Variants in EXOSC10 observed in about 807,000 individuals in gnomAD.
EXOSC10 encodes the protein exosome complex component 10.
Under a neutral mutation model 126.6 loss-of-function variants are expected in EXOSC10, and 94 were observed. The observed-to-expected ratio is 0.74, with a 90% confidence interval of 0.63 to 0.88. EXOSC10 has a LOEUF of 0.88. Among genes scored for constraint, EXOSC10 ranks in the 40% least tolerant of loss-of-function variants. The probability of loss-of-function intolerance (pLI) is 0.00; values close to 1 mark genes in which losing one functional copy is unlikely to be tolerated. For missense variants in EXOSC10, 1,041 were observed against 1,100.5 expected (o/e 0.95, Z 0.77); for synonymous variants, 395 against 400.8 (o/e 0.99, Z 0.17).
intron 14 of EXOSC10, among the ~76,000 whole-genome samples, chr1:11,078,207 G>C (rs963625705): frequency 6.6e-6 from 1 of 152,146 alleles, no homozygotes; most frequent in African/African-American, 2.4e-5. Context: ...CGAGGCTACA[G>C]TGAGCCATGA....
intron 14 of EXOSC10, among the ~76,000 whole-genome samples, chr1:11,078,264 C>CTTTTTTTTTTTTTTTTTTTTT (rs1220119181): frequency 1.1e-4 from 16 of 143,714 alleles, no homozygotes; most frequent in East Asian, 4.3e-4. Context: ...GACCCTGTTT[C>CTTTTTTTTTTTTTTTTTTTTT]TTTTTTTTTT....
rs751220639 is a variant in EXOSC10 at position 11,076,926 on chromosome 1, C to G, written c.1902G>C (p.Gln634His). The G allele has an allele frequency of 1.2e-6, 2 of 1,613,758 alleles. No individual in the cohort carries two copies. Among genetic ancestry groups the G allele is most frequent in the African/African-American group, 2.7e-5 (2 of 74,930 alleles). ...CTTTTTCATCAGGGAAGAGGCTCGCCTGCTTCTGAACTGGCACAGATCCTA... is the reference window on the plus strand; with the variant it reads ...CTTTTTCATCAGGGAAGAGGCTCGCGTGCTTCTGAACTGGCACAGATCCTA... ...PTSGSVPVQK[Q>H]ASLFPDEKED... Residue 634 changes from glutamine to histidine, a missense_variant, in exon 17 of 25, where the codon CAG becomes CAC. Physicochemically the swap from Gln to His is conservative, Grantham distance 24. Transcript: ENST00000376936.
Position 11,080,481 on chromosome 1 carries a change from A to T in EXOSC10, c.1637+18T>A. On this transcript the variant is annotated intron_variant, in intron 13 of 24. Transcript: ENST00000376936. ...CTACTGAGAAAGTCAGAACATATTAATCAGATTTGAAACTCACTTAGGCAG... is the reference window on the plus strand; with the variant it reads ...CTACTGAGAAAGTCAGAACATATTATTCAGATTTGAAACTCACTTAGGCAG... The T allele has an allele frequency of 6.2e-7, 1 of 1,613,594 alleles. No homozygotes were observed. The highest frequency in any genetic ancestry group is 8.5e-7 in the Non-Finnish European group (1 of 1,179,862).
intron 8 of EXOSC10, 83 bp downstream of exon 8, chr1:11,087,716 CA>C: frequency 2.1e-6 from 3 of 1,462,654 alleles, no homozygotes; most frequent in Non-Finnish European, 2.8e-6. Flanking sequence ...AAAAAAATTA[CA>C]ATTAGTATTA....
In EXOSC10 at chr1:11,081,257, A is replaced by G; in HGVS notation, c.1281-19T>C. 6.2e-7 allele frequency: 1 copy of G among 1,612,658 alleles called. No homozygotes were observed. The highest frequency in any genetic ancestry group is 8.5e-7 in the Non-Finnish European group (1 of 1,178,782). On this transcript the variant is annotated intron_variant, in intron 10 of 24. Transcript: ENST00000376936. ...CAGAGGGCTGGAATTGCAGAGGACA[A>G]TGTTTTACTGATTGCCCCCAAGGAC...
intron 17 of EXOSC10, among the ~76,000 whole-genome samples, chr1:11,074,955 C>A (rs1570800199): frequency 2.6e-5 from 4 of 152,280 alleles, no homozygotes; most frequent in African/African-American, 9.6e-5. Flanking sequence ...TGAATACAAG[C>A]AGACCAAGGA....
At chr1:11,074,922 G>A (rs1639728473) in intron 17 of EXOSC10, among the ~76,000 whole-genome samples, 1 of 152,198 alleles carries the variant, frequency 6.6e-6, no homozygotes, top group African/African-American at 2.4e-5. Flanking sequence ...CAGAGGTTGT[G>A]ACAGTCTTTC....
In EXOSC10 at chr1:11,090,628, A is replaced by G; in HGVS notation, c.684T>C (p.Pro228=). 6.2e-7 allele frequency: 1 copy of G among 1,613,602 alleles called. No homozygotes were observed. Among genetic ancestry groups the G allele is most frequent in the Non-Finnish European group, 8.5e-7 (1 of 1,179,832 alleles). Residue 228 remains proline, a synonymous_variant, in exon 6 of 25, where the codon CCT becomes CCC. Transcript: ENST00000376936. ...KERRERPQDR[P]EDLDVPPALA... is the part of the protein sequence containing the mutation. Reference sequence around the variant, plus strand: ...GTGCAGGGGGGACGTCCAAGTCCTCAGGACGATCCTGTGGGCGTTCCCGCC... The same window carrying G: ...GTGCAGGGGGGACGTCCAAGTCCTCGGGACGATCCTGTGGGCGTTCCCGCC...
chr1:11,073,507 C>T (rs137989007), intron 19 of EXOSC10, among the ~76,000 whole-genome samples: 7 of 152,268 alleles, frequency 4.6e-5, no homozygotes, highest in African/African-American at 1.7e-4. Context: ...AGGGCTTTTG[C>T]ATTCATTTTC....
At position 11,074,321 on chromosome 1, in the gene EXOSC10, A is replaced by G. The variant is rs201135653; in HGVS notation, c.1992T>C (p.Pro664=). Residue 664 remains proline, a synonymous_variant, in exon 18 of 25, where the codon CCT becomes CCC. Transcript: ENST00000376936. ...ATAVITLFNE[P]SAEDSKKGPL... ...GACCCTTTTTACTGTCTTCAGCACT[A>G]GGTTCCTGCAGGGACAGACAAAAAA... 6.2e-7 allele frequency: 1 copy of G among 1,612,802 alleles called. No individual in the cohort carries two copies. Among genetic ancestry groups the G allele is most frequent in the Non-Finnish European group, 8.5e-7 (1 of 1,178,898 alleles).
At chr1:11,071,288 A>G (rs868116605) in intron 20 of EXOSC10, 6 of 344,084 alleles carry the variant, frequency 1.7e-5, no homozygotes, top group South Asian at 8.1e-5. Flanking sequence ...TCGTGGACAA[A>G]CCTGCTCAAA....
intron 18 of EXOSC10, 100 bp downstream of exon 18, chr1:11,074,131 G>T: frequency 7.3e-7 from 1 of 1,373,160 alleles, no homozygotes; most frequent in Non-Finnish European, 1.0e-6. Flanking sequence ...CACCAGGGCA[G>T]CCGACACACT....
In EXOSC10 at chr1:11,090,622, G is replaced by A; in HGVS notation, c.690C>T (p.Asp230=). The A allele has an allele frequency of 6.2e-7, 1 of 1,614,006 alleles. No individual in the cohort carries two copies. Among genetic ancestry groups the A allele is most frequent in the Non-Finnish European group, 8.5e-7 (1 of 1,179,990 alleles). Residue 230 remains aspartate (D), a synonymous_variant, in exon 6 of 25, where the codon GAC becomes GAT. Transcript: ENST00000376936. Reference sequence around the variant, plus strand: ...CAGCCAGTGCAGGGGGGACGTCCAAGTCCTCAGGACGATCCTGTGGGCGTT... The same window carrying A: ...CAGCCAGTGCAGGGGGGACGTCCAAATCCTCAGGACGATCCTGTGGGCGTT... ...RRERPQDRPE[D]LDVPPALADF...
chr1:11,083,631 A>T (rs66851937), intron 9 of EXOSC10, among the ~76,000 whole-genome samples: 3,108 of 150,204 alleles, frequency 0.021, 41 homozygotes, highest in Non-Finnish European at 0.032. Flanking sequence ...ATTTTTTTTT[A>T]AATTTATTAT....
intron 5 of EXOSC10, 81 bp downstream of exon 5, chr1:11,090,933 G>C: frequency 6.9e-7 from 1 of 1,454,244 alleles, no homozygotes; most frequent in Non-Finnish European, 9.4e-7. Flanking sequence ...TTTGAACAAA[G>C]AAGAGAGACC....
intron 3 of EXOSC10, among the ~76,000 whole-genome samples, chr1:11,092,938 T>C (rs1381430485): frequency 6.6e-6 from 1 of 152,238 alleles, no homozygotes; most frequent in African/African-American, 2.4e-5. Flanking sequence ...TGTAGACTAA[T>C]GGAAGTTTTC....
In EXOSC10 at chr1:11,082,770, T is replaced by C. The variant is rs1640241579; in HGVS notation, c.1198A>G (p.Arg400Gly). The C allele has an allele frequency of 3.7e-6, 6 of 1,614,212 alleles. No individual in the cohort carries two copies. The highest frequency in any genetic ancestry group is 5.1e-6 in the Non-Finnish European group (6 of 1,180,036). The change falls in exon 10 of 25, where the codon AGG becomes GGG. Residue 400 changes from arginine (R) to glycine (G), a missense_variant. Arg to Gly is a moderately radical substitution (Grantham distance 125, BLOSUM62 -2). Transcript: ENST00000376936. ...HQAARLLNLG[R>G]HSLDHLLKLY... ...TTCAGGAGATGATCGAGTGAGTGCC[T>C]GCCCAGGTTAAGAAGGCGTGCTGCC... is the stretch of plus-strand genomic sequence containing the variant.
chr1:11,087,931 GA>G (rs1171924489), intron 7 of EXOSC10, 21 bp from the exon 8 acceptor site: 12 of 1,459,436 alleles, frequency 8.2e-6, no homozygotes, highest in Non-Finnish European at 1.1e-5. Context: ...AGAATAGTAA[GA>G]AAAAGGGAGG....
At chr1:11,078,414 C>T (rs369117501) in intron 14 of EXOSC10, among the ~76,000 whole-genome samples, 3 of 151,818 alleles carry the variant, frequency 2.0e-5, no homozygotes, top group Admixed American at 6.6e-5. Context: ...CCCGCCACTA[C>T]GCCTGGCTAA....
Sources: allele counts gnomAD v4.1 joint callset (sites outside exome capture counted in the v4.1 genomes callset), GRCh38; gene constraint gnomAD v4.1.1; transcripts MANE v1.5; gene names NCBI Gene and HGNC (gene_info 2026-07-23, HGNC 2026-07-21).